The following CHST11 variants were observed in gnomAD, a reference collection of about 807,000 sequenced individuals.
CHST11 encodes the protein carbohydrate sulfotransferase 11, also known as C4S-1.
CHST11 carries 9 observed loss-of-function variants against 30.4 expected under a neutral mutation model. The observed-to-expected ratio is 0.30, with a 90% CI of 0.18 to 0.52. CHST11 has a LOEUF of 0.52. Ranked by LOEUF, CHST11 falls within the 20% of genes least tolerant of loss-of-function variation. The pLI is 0.97. For synonymous variants in CHST11, 152 were observed against 187.8 expected (o/e 0.81, Z 1.56); for missense variants, 348 against 460.6 (o/e 0.76, Z 2.24).
chr12:104,516,475 A>G (rs79141825), intron 1 of CHST11, among the ~76,000 whole-genome samples: 3,691 of 152,068 alleles, frequency 0.024, 148 homozygotes, highest in East Asian at 0.17. Context: ...CCCTTATGTG[A>G]AGCAATGAGG....
chr12:104,480,675 A>G (rs910597301), intron 1 of CHST11, among the ~76,000 whole-genome samples: 8 of 152,130 alleles, frequency 5.3e-5, no homozygotes, highest in Non-Finnish European at 1.0e-4. Flanking sequence ...GAAGAGACAC[A>G]GAAACACACA....
chr12:104,692,484 T>A (rs1233494646), intron 2 of CHST11, among the ~76,000 whole-genome samples: 2 of 152,224 alleles, frequency 1.3e-5, no homozygotes, highest in Non-Finnish European at 2.9e-5. Context: ...GAAACTGTTG[T>A]TATTTTACAG....
chr12:104,558,548 G>A (rs991406851), intron 1 of CHST11, among the ~76,000 whole-genome samples: 2 of 52,760 alleles, frequency 3.8e-5, no homozygotes, highest in Admixed American at 1.8e-4. Context: ...TCCCCCCCCC[G>A]CCCCCCCGAG....
chr12:104,554,415 A>G (rs910271216), intron 1 of CHST11, among the ~76,000 whole-genome samples: 14 of 152,198 alleles, frequency 9.2e-5, no homozygotes, highest in Non-Finnish European at 1.6e-4. Flanking sequence ...AGTGACTGGC[A>G]AAGTGTTTGA....
At chr12:104,703,256 G>A (rs1163588495) in intron 2 of CHST11, among the ~76,000 whole-genome samples, 1 of 152,128 alleles carries the variant, frequency 6.6e-6, no homozygotes, top group African/African-American at 2.4e-5. Context: ...CTGACACCTC[G>A]GGCCTCTCGG....
At chr12:104,482,306 C>A (rs1350693755) in intron 1 of CHST11, among the ~76,000 whole-genome samples, 1 of 151,626 alleles carries the variant, frequency 6.6e-6, no homozygotes, top group East Asian at 1.9e-4. Context: ...GCTCTGCCAC[C>A]TGGGGCTGCT....
intron 1 of CHST11, among the ~76,000 whole-genome samples, chr12:104,556,942 T>C (rs552230359): frequency 6.6e-6 from 1 of 150,734 alleles, no homozygotes; most frequent in African/African-American, 2.4e-5. Context: ...GATTGCACCA[T>C]TGCGCTCCAG....
At chr12:104,542,951 T>A (rs1377051612) in intron 1 of CHST11, among the ~76,000 whole-genome samples, 2 of 152,342 alleles carry the variant, frequency 1.3e-5, no homozygotes, top group South Asian at 4.1e-4. Flanking sequence ...CAGGGGACAG[T>A]GGCAACCAGT....
chr12:104,583,088 C>T (rs569114837), intron 1 of CHST11, among the ~76,000 whole-genome samples: 1 of 152,266 alleles, frequency 6.6e-6, no homozygotes, highest in Admixed American at 6.5e-5. Flanking sequence ...CGGCCACATA[C>T]ATATGTGTTG....
At position 104,466,426 on chromosome 12, in the gene CHST11, G is replaced by A. The variant is rs148869976; in HGVS notation, c.118+8897G>A. On this transcript the variant is annotated intron_variant, in intron 1 of 2. Coordinates refer to ENST00000303694, the MANE Select transcript of CHST11 (RefSeq NM_018413.6). ...TCAAGAACAAATTGATGGCAAAGCCGGAGAGTGGACCCTATAATGCTGTTG... is the reference window on the plus strand; with the variant it reads ...TCAAGAACAAATTGATGGCAAAGCCAGAGAGTGGACCCTATAATGCTGTTG... 6.0e-3 allele frequency among the ~76,000 whole-genome samples: 907 copies of A among 152,328 alleles called. 7 individuals carry two copies. Among genetic ancestry groups the A allele is most frequent in the African/African-American group, 0.021 (858 of 41,566 alleles).
chr12:104,507,469 T>C (rs1434855258), intron 1 of CHST11, among the ~76,000 whole-genome samples: 1 of 152,226 alleles, frequency 6.6e-6, no homozygotes, highest in African/African-American at 2.4e-5. Context: ...AGCCATGTCA[T>C]CTTGATCCTG....
intron 1 of CHST11, among the ~76,000 whole-genome samples, chr12:104,599,116 T>A (rs1200327593): frequency 6.6e-6 from 1 of 152,178 alleles, no homozygotes; most frequent in African/African-American, 2.4e-5. Flanking sequence ...GTGGGGTTGT[T>A]ATCATTCCCA....
At position 104,669,259 on chromosome 12, in the gene CHST11, C is replaced by T. The variant is rs181983873; in HGVS notation, c.204+67268C>T. Among the ~76,000 whole-genome samples, 746 of 152,290 alleles carry T rather than the reference C, an allele frequency of 4.9e-3. 8 individuals carry two copies. Among genetic ancestry groups the T allele is most frequent in the African/African-American group, 0.017 (701 of 41,564 alleles). ...CAGCTCCACGCCCTCCTGAATGTTC[C>T]ATTCTAAACAGCCACAATCAGGAGC... On this transcript the variant is annotated intron_variant, in intron 2 of 2. Transcript: ENST00000303694.
intron 1 of CHST11, among the ~76,000 whole-genome samples, chr12:104,584,948 C>T (rs543346261): frequency 2.6e-5 from 4 of 152,266 alleles, no homozygotes; most frequent in African/African-American, 9.6e-5. Context: ...ATGCAGTGCA[C>T]GTGGGGAGAT....
At chr12:104,694,295 T>A (rs923797065) in intron 2 of CHST11, among the ~76,000 whole-genome samples, 1 of 152,154 alleles carries the variant, frequency 6.6e-6, no homozygotes, top group African/African-American at 2.4e-5. Flanking sequence ...TTAACCTCTC[T>A]GAATCTGTTT....
intron 2 of CHST11, among the ~76,000 whole-genome samples, chr12:104,747,589 G>A (rs1457354187): frequency 1.3e-5 from 2 of 152,086 alleles, no homozygotes; most frequent in Non-Finnish European, 2.9e-5. Context: ...AGCTCATCAG[G>A]TGCTCCTCCC....
At chr12:104,506,508 C>A (rs575999886) in intron 1 of CHST11, among the ~76,000 whole-genome samples, 83 of 152,240 alleles carry the variant, frequency 5.5e-4, no homozygotes, top group South Asian at 6.2e-4. Context: ...TGGAGTGGGA[C>A]AATCACTTGG....
intron 1 of CHST11, among the ~76,000 whole-genome samples, chr12:104,598,021 C>T (rs1248602156): frequency 5.9e-5 from 9 of 152,186 alleles, no homozygotes; most frequent in Admixed American, 2.6e-4. Flanking sequence ...TAGTAGTACC[C>T]GCACCATGGG....
At chr12:104,526,760 G>A (rs1316029534) in intron 1 of CHST11, among the ~76,000 whole-genome samples, 1 of 152,204 alleles carries the variant, frequency 6.6e-6, no homozygotes, top group Non-Finnish European at 1.5e-5. Context: ...GCAGGTTTTG[G>A]GAGTGGGTGA....
Sources: allele counts gnomAD v4.1 joint callset (sites outside exome capture counted in the v4.1 genomes callset), GRCh38; gene constraint gnomAD v4.1.1; transcripts MANE v1.5; gene names NCBI Gene and HGNC (gene_info 2026-07-23, HGNC 2026-07-21).